The following ZC3H12B variants were observed in gnomAD, a reference collection of about 807,000 sequenced individuals.
ZC3H12B encodes probable ribonuclease ZC3H12B.
Under a neutral mutation model 43.9 loss-of-function variants are expected in ZC3H12B, and 7 were observed. That is an observed-to-expected ratio of 0.16 (90% CI 0.09 to 0.30). The LOEUF (loss-of-function observed/expected upper bound fraction) is 0.30. ZC3H12B is among the 10% of genes least tolerant of loss of function. The probability of loss-of-function intolerance (pLI) is 1.00; values close to 1 mark genes in which losing one functional copy is unlikely to be tolerated. For synonymous variants in ZC3H12B, 222 were observed against 241.7 expected (o/e 0.92, Z 0.76); for missense variants, 475 against 670.2 (o/e 0.71, Z 3.22).
chrX:65,444,864 A>G (rs751668770), intron 3 of ZC3H12B, among the ~76,000 whole-genome samples: 1 of 111,710 alleles, frequency 9.0e-6, no homozygotes, highest in East Asian at 2.8e-4. Flanking sequence ...TATCTTCTAT[A>G]TCTTTTTGCC....
the ZC3H12B span, among the ~76,000 whole-genome samples, chrX:65,161,393 T>G: frequency 9.0e-6 from 1 of 111,345 alleles, no homozygotes; most frequent in Non-Finnish European, 1.9e-5. Flanking sequence ...TTGTGTGGGA[T>G]TCTAAGTCTC....
the ZC3H12B span, among the ~76,000 whole-genome samples, chrX:65,247,760 G>A: frequency 8.9e-6 from 1 of 111,775 alleles, no homozygotes; most frequent in African/African-American, 3.3e-5. Context: ...CGAGCATCAG[G>A]AAGAATAGCT....
the ZC3H12B span, among the ~76,000 whole-genome samples, chrX:65,105,129 C>A: frequency 4.5e-5 from 5 of 110,947 alleles, no homozygotes; most frequent in Admixed American, 2.9e-4. Context: ...TGGAAACCAT[C>A]ATCCTCAGCA....
the ZC3H12B span, among the ~76,000 whole-genome samples, chrX:65,295,763 G>C: frequency 9.0e-6 from 1 of 111,207 alleles, no homozygotes; most frequent in Non-Finnish European, 1.9e-5. Context: ...ATTATTTAAG[G>C]CTACTATGAA....
the ZC3H12B span, among the ~76,000 whole-genome samples, chrX:65,222,471 A>G: frequency 1.8e-5 from 2 of 110,543 alleles, no homozygotes; most frequent in African/African-American, 6.5e-5. Flanking sequence ...AAGCTTCTAA[A>G]GCTGATAAAT....
chrX:65,066,347 T>A, the ZC3H12B span, among the ~76,000 whole-genome samples: 1 of 111,726 alleles, frequency 9.0e-6, no homozygotes, highest in Admixed American at 9.5e-5. Flanking sequence ...TTTTTATTGA[T>A]GTTGATGTTA....
chrX:65,454,413 G>T (rs767809874), intron 3 of ZC3H12B, among the ~76,000 whole-genome samples: 2 of 112,270 alleles, frequency 1.8e-5, no homozygotes, highest in East Asian at 5.6e-4. Context: ...AAACTGCAAG[G>T]CGGCAGTGAG....
intron 3 of ZC3H12B, among the ~76,000 whole-genome samples, chrX:65,451,131 G>A (rs1215357277): frequency 9.1e-6 from 1 of 109,372 alleles, no homozygotes; most frequent in Non-Finnish European, 1.9e-5. Context: ...TGTATTTATA[G>A]TAGAGATGGG....
At chrX:65,244,198 T>G in the ZC3H12B span, among the ~76,000 whole-genome samples, 1 of 111,513 alleles carries the variant, frequency 9.0e-6, no homozygotes, top group Non-Finnish European at 1.9e-5. Flanking sequence ...TTGGTCATTA[T>G]ACGTTGTATA....
chrX:65,391,733 C>A (rs368790717), intron 2 of ZC3H12B, among the ~76,000 whole-genome samples: 1 of 110,905 alleles, frequency 9.0e-6, no homozygotes, highest in East Asian at 2.8e-4. Context: ...CTCCCTCTCC[C>A]TCTCCCTCTC....
chrX:65,402,293 A>G (rs942352991), intron 3 of ZC3H12B, among the ~76,000 whole-genome samples: 37 of 111,861 alleles, frequency 3.3e-4, no homozygotes, highest in African/African-American at 1.2e-3. Context: ...CAGCTCAGCC[A>G]CAATACAATA....
chrX:65,178,683 G>C, the ZC3H12B span, among the ~76,000 whole-genome samples: 1 of 112,629 alleles, frequency 8.9e-6, no homozygotes, highest in African/African-American at 3.2e-5. Flanking sequence ...CTAGTCATTA[G>C]AGAATGGCAA....
At chrX:65,278,460 G>A in the ZC3H12B span, among the ~76,000 whole-genome samples, 495 of 111,630 alleles carry the variant, frequency 4.4e-3, 3 homozygotes, top group African/African-American at 0.015. Context: ...AGTATCCTTA[G>A]TTGAGCAGCT....
chrX:65,304,801 T>C, the ZC3H12B span, among the ~76,000 whole-genome samples: 5 of 111,391 alleles, frequency 4.5e-5, no homozygotes, highest in Non-Finnish European at 9.4e-5. Flanking sequence ...TGCGACACCA[T>C]AGAATGATCA....
chrX:65,082,180 G>C, the ZC3H12B span, among the ~76,000 whole-genome samples: 5 of 111,231 alleles, frequency 4.5e-5, no homozygotes, highest in Non-Finnish European at 7.6e-5. Context: ...GGAAACCTTT[G>C]AAATAAATAA....
chrX:65,157,872 T>A, the ZC3H12B span, among the ~76,000 whole-genome samples: 1 of 104,064 alleles, frequency 9.6e-6, no homozygotes, highest in African/African-American at 3.4e-5. Flanking sequence ...GCTGCACCCA[T>A]TAACTCGTCA....
the ZC3H12B span, among the ~76,000 whole-genome samples, chrX:65,127,200 G>T: frequency 1.8e-5 from 2 of 111,685 alleles, no homozygotes; most frequent in African/African-American, 3.3e-5. Context: ...TGCTCCCTTG[G>T]TGTGGTGTTC....
chrX:65,114,601 G>A, the ZC3H12B span, among the ~76,000 whole-genome samples: 1 of 110,318 alleles, frequency 9.1e-6, no homozygotes, highest in South Asian at 3.7e-4. Flanking sequence ...TTCATTCTTG[G>A]TACTAATAAA....
At chrX:65,225,360 C>A in the ZC3H12B span, among the ~76,000 whole-genome samples, 1 of 112,073 alleles carries the variant, frequency 8.9e-6, no homozygotes, top group Non-Finnish European at 1.9e-5. Context: ...GACATCCACA[C>A]CAAAAACCAT....
Sources: gnomAD v4.1 joint callset for allele counts (sites outside exome capture counted in the v4.1 genomes callset) on GRCh38, gnomAD v4.1.1 for gene constraint, MANE v1.5 for transcripts, NCBI Gene and HGNC (gene_info 2026-07-23, HGNC 2026-07-21) for gene names.